VTI1A: variants seen among roughly 807,000 people sequenced by gnomAD.
VTI1A encodes the protein vesicle transport through interaction with t-SNAREs 1A.
Under a neutral mutation model 34.9 loss-of-function variants are expected in VTI1A, and 22 were observed. That is an observed-to-expected ratio of 0.63 (90% confidence interval 0.45 to 0.90). The LOEUF (loss-of-function observed/expected upper bound fraction) is 0.90. VTI1A is among the 40% of genes least tolerant of loss of function. The pLI, the probability that VTI1A is intolerant of heterozygous loss-of-function variation, is 0.00. For missense variants in VTI1A, 268 were observed against 275.6 expected (o/e 0.97, Z 0.20); for synonymous variants, 87 against 97.3 (o/e 0.89, Z 0.62).
intron 5 of VTI1A, among the ~76,000 whole-genome samples, chr10:112,573,282 G>A (rs1447186906): frequency 2.0e-5 from 3 of 151,940 alleles, no homozygotes; most frequent in Non-Finnish European, 4.4e-5. Context: ...TCTATTATCC[G>A]AAATAAACTA....
intron 7 of VTI1A, among the ~76,000 whole-genome samples, chr10:112,785,252 G>A (rs577188296): frequency 1.3e-5 from 2 of 152,324 alleles, no homozygotes; most frequent in South Asian, 4.1e-4. Flanking sequence ...GGCTCCCCAG[G>A]AGCCTTCCTG....
Position 112,450,396 on chromosome 10 carries a change from C to T in VTI1A, c.94+2929C>T, listed in dbSNP as rs562750965. ...TAGTTTGATGACAAGTAATTATAAT[C>T]TCTCTCTCTGGCCATCATTGGCGAG... On this transcript the variant is annotated intron_variant, in intron 1 of 7. Transcript: ENST00000393077. 4 of 152,276 alleles carry T rather than the reference C, an allele frequency of 2.6e-5. 1 individual carries two copies. In the South Asian group the frequency reaches 8.3e-4, roughly 32 times the overall value. The allele number at this position is 152,276 out of a possible 1,614,324, so 9.4% of individuals were successfully genotyped here.
the VTI1A span, among the ~76,000 whole-genome samples, chr10:112,852,460 G>A: frequency 2.6e-5 from 4 of 152,314 alleles, no homozygotes; most frequent in African/African-American, 9.6e-5. Context: ...CTCTCCAGCA[G>A]GGCATGAACC....
intron 1 of VTI1A, among the ~76,000 whole-genome samples, chr10:112,457,396 A>C (rs1374472689): frequency 1.3e-5 from 2 of 152,206 alleles, no homozygotes; most frequent in Non-Finnish European, 1.5e-5. Flanking sequence ...TGACTGAGAC[A>C]TGGTTCTTGT....
At chr10:112,477,654 T>G (rs1475826525) in intron 3 of VTI1A, among the ~76,000 whole-genome samples, 1 of 152,230 alleles carries the variant, frequency 6.6e-6, no homozygotes, top group African/African-American at 2.4e-5. Flanking sequence ...AAAGTCACAT[T>G]GCATGGCATT....
intron 7 of VTI1A, among the ~76,000 whole-genome samples, chr10:112,687,216 C>T (rs1236312974): frequency 7.7e-6 from 1 of 129,276 alleles, no homozygotes; most frequent in East Asian, 2.6e-4. Context: ...AGGCATACTA[C>T]AACTTTTTTT....
chr10:112,836,549 C>A, the VTI1A span, among the ~76,000 whole-genome samples: 1 of 152,176 alleles, frequency 6.6e-6, no homozygotes, highest in East Asian at 1.9e-4. Flanking sequence ...AATTTCCCTC[C>A]GTTTTCTCTT....
intron 7 of VTI1A, among the ~76,000 whole-genome samples, chr10:112,722,859 G>A (rs1849862371): frequency 6.6e-6 from 1 of 152,186 alleles, no homozygotes; most frequent in South Asian, 2.1e-4. Context: ...CTGAGCATGA[G>A]TCCAGGCAAA....
chr10:112,785,580 G>C (rs373510986), intron 7 of VTI1A, among the ~76,000 whole-genome samples: 1 of 152,068 alleles, frequency 6.6e-6, no homozygotes, highest in Admixed American at 6.6e-5. Flanking sequence ...ATCTTTGCCT[G>C]TCCCAAGGTT....
At chr10:112,522,082 G>A (rs1449789190) in intron 3 of VTI1A, among the ~76,000 whole-genome samples, 1 of 152,036 alleles carries the variant, frequency 6.6e-6, no homozygotes. Flanking sequence ...ATGAGTGCCA[G>A]CAATTATATG....
intron 7 of VTI1A, among the ~76,000 whole-genome samples, chr10:112,712,725 A>T (rs1407365017): frequency 2.0e-5 from 3 of 152,128 alleles, no homozygotes; most frequent in Non-Finnish European, 2.9e-5. Flanking sequence ...TTCACTTTCC[A>T]CTGCTGCATT....
chr10:112,502,024 CTTTTT>C (rs71489973), intron 3 of VTI1A, among the ~76,000 whole-genome samples: 5 of 119,344 alleles, frequency 4.2e-5, no homozygotes, highest in Admixed American at 1.8e-4. Context: ...AGAATCCTTA[CTTTTT>C]TTTTTTTTTT....
intron 5 of VTI1A, among the ~76,000 whole-genome samples, chr10:112,623,546 G>A (rs111632042): frequency 0.026 from 3,967 of 150,100 alleles, 175 homozygotes; most frequent in African/African-American, 0.094. Context: ...TTTGGATCCC[G>A]TCACGATCCG....
intron 3 of VTI1A, among the ~76,000 whole-genome samples, chr10:112,504,487 A>C (rs779296432): frequency 2.7e-4 from 39 of 146,112 alleles, no homozygotes; most frequent in Middle Eastern, 3.3e-3. Flanking sequence ...CAATATGTAA[A>C]GAGCTTTTTT....
chr10:112,815,022 G>A lies in VTI1A; in HGVS notation c.561-268G>A, dbSNP rs113822689. On this transcript the variant is annotated intron_variant, in intron 7 of 7. Coordinates refer to ENST00000393077, the MANE Select transcript of VTI1A (RefSeq NM_145206.4). ...CTGAGCCTCGAAAGCCATTTGATTC[G>A]CCTTAGCTTTGCAGTAAGCATTTCT... 7.0e-3 allele frequency among the ~76,000 whole-genome samples: 1,063 copies of A among 151,956 alleles called. 5 individuals carry two copies. Among genetic ancestry groups the A allele is most frequent in the Non-Finnish European group, 0.011 (778 of 67,960 alleles).
Position 112,816,646 on chromosome 10 carries a change from C to G in VTI1A, c.*1263C>G, listed in dbSNP as rs1208745420. On this transcript the variant is annotated 3_prime_UTR_variant, in exon 8 of 8. Coordinates refer to ENST00000393077, the MANE Select transcript of VTI1A (RefSeq NM_145206.4). ...AGCTGAGGTCGTTTCCCCCCAGTCA[C>G]AAAGCAGAATGTTTTTCTCAAGACT... 4.4e-6 allele frequency: 1 copy of G among 227,130 alleles called. No individual in the cohort carries two copies. Among genetic ancestry groups the G allele is most frequent in the African/African-American group, 2.2e-5 (1 of 45,020 alleles). 14.1% of individuals were successfully genotyped at this position (227,130 alleles called of 1,614,324 possible).
At chr10:112,614,192 T>C (rs1845428572) in intron 5 of VTI1A, among the ~76,000 whole-genome samples, 1 of 152,172 alleles carries the variant, frequency 6.6e-6, no homozygotes, top group Non-Finnish European at 1.5e-5. Context: ...ACCTGTGCCA[T>C]GCGTGGTCTT....
chr10:112,736,945 A>G (rs1850503434), intron 7 of VTI1A: 1 of 620,574 alleles, frequency 1.6e-6, no homozygotes, highest in East Asian at 2.7e-5. Context: ...CAAAGGGGAA[A>G]CTGACATCAA....
At chr10:112,598,695 AT>A (rs1564842940) in intron 5 of VTI1A, among the ~76,000 whole-genome samples, 1 of 152,146 alleles carries the variant, frequency 6.6e-6, no homozygotes, top group East Asian at 1.9e-4. Context: ...ATGGGGACCA[AT>A]TTTTTTAAAG....
Sources: allele counts gnomAD v4.1 joint callset (sites outside exome capture counted in the v4.1 genomes callset), GRCh38; gene constraint gnomAD v4.1.1; transcripts MANE v1.5; gene names NCBI Gene and HGNC (gene_info 2026-07-23, HGNC 2026-07-21).